The following AMPD3 variants were observed in gnomAD, a reference collection of about 807,000 sequenced individuals.
AMPD3 encodes adenosine monophosphate deaminase 3, also known as AMP deaminase 3.
A neutral mutation model predicts 82.3 loss-of-function variants in AMPD3; 57 were observed. The ratio of observed to expected loss-of-function variants is 0.69; its 90% CI spans 0.56 to 0.86. The LOEUF is 0.86. AMPD3 is among the 40% of genes least tolerant of loss of function. The pLI, the probability that AMPD3 is intolerant of heterozygous loss-of-function variation, is 0.00. For missense variants in AMPD3, 870 were observed against 1,003.8 expected, an observed-to-expected ratio of 0.87 and a Z score of 1.80; for synonymous variants, 381 against 394.7, an observed-to-expected ratio of 0.97 and a Z score of 0.41.
At chr11:10,466,329 A>G (rs949146095) in intron 2 of AMPD3, among the ~76,000 whole-genome samples, 9 of 152,004 alleles carry the variant, frequency 5.9e-5, no homozygotes, top group African/African-American at 2.2e-4. Context: ...TCTGAGATCA[A>G]TCTGGGACAC....
chr11:10,481,435 A>G, intron 3 of AMPD3: 4 of 985,354 alleles, frequency 4.1e-6, no homozygotes, highest in Non-Finnish European at 4.8e-6. Flanking sequence ...AATTAGCTGC[A>G]TGTGAGGCCG....
intron 3 of AMPD3, among the ~76,000 whole-genome samples, chr11:10,480,850 G>A (rs561447680): frequency 1.3e-5 from 2 of 152,282 alleles, no homozygotes; most frequent in East Asian, 3.9e-4. Flanking sequence ...GCCAGCATAT[G>A]GTGCCTCCCT....
intron 6 of AMPD3, chr11:10,490,427 G>A (rs571137972): frequency 1.5e-5 from 14 of 948,268 alleles, no homozygotes; most frequent in African/African-American, 1.8e-5. Flanking sequence ...TGCTGTGTTC[G>A]ATTATTGATG....
In AMPD3 at chr11:10,485,332, T is replaced by C. The variant is rs187443854; in HGVS notation, c.809+293T>C. On this transcript the variant is annotated intron_variant, in intron 5 of 14. Coordinates refer to ENST00000396553, the MANE Select transcript of AMPD3 (RefSeq NM_001025389.2). ...TGCGATCTTGGTTCACTGCAACCTC[T>C]GCCTCCTGGGTTGAAGTGATTCTCT... 3.7e-4 allele frequency among the ~76,000 whole-genome samples: 57 copies of C among 152,282 alleles called. No individual in the cohort carries two copies. The East Asian group carries it at 9.5e-3, about 25-fold the overall frequency.
chr11:10,504,321 G>C (rs1049114093), intron 13 of AMPD3: 19 of 675,962 alleles, frequency 2.8e-5, no homozygotes, highest in African/African-American at 3.9e-5. Context: ...TCTCAGTGCT[G>C]GTCAATGAAT....
At position 10,456,297 on chromosome 11, in the gene AMPD3, G is replaced by C; in HGVS notation, c.-6+849G>C. 6.3e-7 allele frequency: 1 copy of C among 1,595,680 alleles called. No individual in the cohort carries two copies. The highest frequency in any genetic ancestry group is 1.7e-5 in the Admixed American group (1 of 58,408). On this transcript the variant is annotated intron_variant, in intron 1 of 14. Coordinates refer to ENST00000396553, the MANE Select transcript of AMPD3 (RefSeq NM_001025389.2). The surrounding 1 kb of genome is among the most constrained non-coding windows in gnomAD (Gnocchi z 4.3). ...GCCGGCAGACAGGACCCAGCCAGCT[G>C]CACGCACGCACTGACTCAGCTGAGC...
intron 12 of AMPD3, 33 bp downstream of exon 12, chr11:10,501,623 G>A: frequency 6.2e-7 from 1 of 1,614,056 alleles, no homozygotes; most frequent in Non-Finnish European, 8.5e-7. Flanking sequence ...CCCGTCCTGA[G>A]TGACTGCCCT....
intron 2 of AMPD3, among the ~76,000 whole-genome samples, chr11:10,464,606 C>A (rs2133833809): frequency 6.6e-6 from 1 of 152,286 alleles, no homozygotes; most frequent in East Asian, 1.9e-4. Context: ...TGTCCATCGG[C>A]TTCTTTCCTG....
In AMPD3 at chr11:10,502,704, C is replaced by T. The variant is rs368314315; in HGVS notation, c.1843-17C>T. The stretch of plus-strand genomic sequence containing the variant: ...CTCTCTGGCACTTGTCACATGAGTT[C>T]GGTGGTTCTTTTGCAGAGTCCGGTA... On this transcript the variant is annotated splice_polypyrimidine_tract_variant and intron_variant, in intron 12 of 14. Transcript: ENST00000396553. The T allele has an allele frequency of 3.7e-6, 6 of 1,613,652 alleles. No homozygotes were observed. Among genetic ancestry groups the T allele is most frequent in the Admixed American group, 1.7e-5 (1 of 60,000 alleles).
At chr11:10,481,926 C>A in intron 3 of AMPD3, 137 bp from the exon 4 acceptor site, 1 of 1,003,198 alleles carries the variant, frequency 1.0e-6, no homozygotes, top group African/African-American at 1.6e-5. Flanking sequence ...TCTTATTGGT[C>A]AAGGAGTGGT....
chr11:10,470,626 A>G (rs1252006121), intron 2 of AMPD3, among the ~76,000 whole-genome samples: 2 of 152,242 alleles, frequency 1.3e-5, no homozygotes, highest in African/African-American at 4.8e-5. Flanking sequence ...GTCTCAGGAT[A>G]AAAAATCAAT....
chr11:10,473,687 C>A, intron 2 of AMPD3: 1 of 799,280 alleles, frequency 1.3e-6, no homozygotes, highest in Non-Finnish European at 1.5e-6. Context: ...GCCCATCGTG[C>A]AGCATATTTC....
intron 6 of AMPD3, among the ~76,000 whole-genome samples, chr11:10,489,606 T>C (rs985140876): frequency 1.3e-5 from 2 of 152,106 alleles, no homozygotes; most frequent in African/African-American, 4.8e-5. Flanking sequence ...AGTCAGTCCA[T>C]AAACATGGGC....
Position 10,456,977 on chromosome 11 carries a change from CTTTT to C in AMPD3, c.-6+1544_-6+1547del, listed in dbSNP as rs571427952. Among the ~76,000 whole-genome samples, 2 of 129,220 alleles carry C rather than the reference CTTTT, an allele frequency of 1.5e-5. No individual in the cohort carries two copies. The highest frequency in any genetic ancestry group is 1.6e-5 in the Non-Finnish European group (1 of 61,404). The allele number at this position is 129,220 out of a possible 152,430, so 84.8% of individuals were successfully genotyped here. ...TTGTTGTGGTTGCTGTTGTTTCTTG[CTTTT>C]TTTTTTTTTTTTTTGAGAGAAGGTC... On this transcript the variant is annotated intron_variant, in intron 1 of 14. Coordinates refer to ENST00000396553, the MANE Select transcript of AMPD3 (RefSeq NM_001025389.2). This position sits in a 1 kb window ranked among gnomAD's most constrained non-coding sequence, Gnocchi z 4.3.
chr11:10,493,180 C>T (rs995466409), intron 6 of AMPD3, among the ~76,000 whole-genome samples, 169 bp from the exon 7 acceptor site: 23 of 152,146 alleles, frequency 1.5e-4, no homozygotes, highest in Non-Finnish European at 2.9e-4. Context: ...GGAGGGATAC[C>T]AGTTCCGAAG....
At position 10,476,471 on chromosome 11, in the gene AMPD3, T is replaced by G. The variant is rs546882979; in HGVS notation, c.222-2055T>G. ...CCAGCATTTGGGCTGTAGTGTTTTT[T>G]TTTTTGTGTGTGTGTGTGTGGTTTT... On this transcript the variant is annotated intron_variant, in intron 2 of 14. Transcript: ENST00000396553. 1.6e-3 allele frequency among the ~76,000 whole-genome samples: 233 copies of G among 143,818 alleles called. 4 individuals are homozygous for G. In the East Asian group the frequency reaches 0.032, roughly 20 times the overall value. 94.4% of individuals were successfully genotyped at this position (143,818 alleles called of 152,430 possible).
chr11:10,481,216 G>A (rs1026456179), intron 3 of AMPD3, among the ~76,000 whole-genome samples: 5 of 152,234 alleles, frequency 3.3e-5, no homozygotes, highest in Non-Finnish European at 2.9e-5. Context: ...GCCTGGATGA[G>A]TTGGGTGATT....
intron 2 of AMPD3, among the ~76,000 whole-genome samples, chr11:10,463,467 C>T (rs921252566): frequency 2.6e-5 from 4 of 152,148 alleles, no homozygotes; most frequent in African/African-American, 9.7e-5. Context: ...CTGTAGAGAC[C>T]CTCATTCACA....
chr11:10,473,587 C>T (rs758339594), intron 2 of AMPD3: 12 of 985,288 alleles, frequency 1.2e-5, no homozygotes, highest in African/African-American at 1.7e-5. Context: ...GTTACACCCA[C>T]CTGGCCAGGA....
Sources: allele counts gnomAD v4.1 joint callset (sites outside exome capture counted in the v4.1 genomes callset), GRCh38; gene constraint gnomAD v4.1.1; non-coding constraint Gnocchi (gnomAD v3.1); transcripts MANE v1.5; gene names NCBI Gene and HGNC (gene_info 2026-07-23, HGNC 2026-07-21).